SETD5: variants seen among roughly 807,000 people sequenced by gnomAD.
SETD5 encodes the protein SET domain containing 5.
In SETD5, 44 loss-of-function variants were observed where a neutral mutation model predicts 153.3. That is an observed-to-expected ratio of 0.29 (90% CI 0.23 to 0.37). SETD5 has a LOEUF of 0.37. SETD5 is among the 10% of genes least tolerant of loss of function. The probability of loss-of-function intolerance (pLI) is 1.00; values close to 1 mark genes in which losing one functional copy is unlikely to be tolerated. For missense variants in SETD5, 1,544 were observed against 1,768.0 expected (o/e 0.87, Z 2.27); for synonymous variants, 716 against 645.2 (o/e 1.11, Z -1.66).
chr3:9,400,201 T>C (rs1188124626), intron 1 of SETD5, among the ~76,000 whole-genome samples: 2 of 152,260 alleles, frequency 1.3e-5, no homozygotes, highest in African/African-American at 2.4e-5. Flanking sequence ...AACTGGATCA[T>C]GGTTAAAGCC....
intron 7 of SETD5, among the ~76,000 whole-genome samples, chr3:9,436,279 A>C (rs576171161): frequency 6.6e-6 from 1 of 152,104 alleles, no homozygotes; most frequent in East Asian, 1.9e-4. Flanking sequence ...TACATGCCTC[A>C]TGTCTTTGGG....
At chr3:9,435,597 C>T (rs1007353326) in intron 6 of SETD5, 131 bp from the exon 7 acceptor site, 17 of 765,824 alleles carry the variant, frequency 2.2e-5, no homozygotes, top group Admixed American at 1.8e-4. Flanking sequence ...TTTAACGTTG[C>T]TTTACAGATG....
At chr3:9,454,971 A>G (rs923042811) in intron 17 of SETD5, among the ~76,000 whole-genome samples, 12 of 152,156 alleles carry the variant, frequency 7.9e-5, no homozygotes, top group Non-Finnish European at 1.2e-4. Context: ...TCACATTTTC[A>G]TAAAAAACCC....
At chr3:9,455,251 G>C (rs1412104486) in intron 17 of SETD5, among the ~76,000 whole-genome samples, 1 of 137,286 alleles carries the variant, frequency 7.3e-6, no homozygotes, top group South Asian at 2.3e-4. Context: ...GATTACAGGC[G>C]CCCGCCACCT....
rs1461665145 is a variant in SETD5, at chr3:9,476,300, AAAG to A, written c.*213_*215del. ...AAATCTTGTCTGAAGCAGAGACTAT[AAAG>A]AAGTTTCTCCCTGCTGTCAAGGGTA... On this transcript the variant is annotated 3_prime_UTR_variant, in exon 23 of 23. Coordinates refer to ENST00000402198, the MANE Select transcript of SETD5 (RefSeq NM_001080517.3). 1 of 652,176 alleles carries A rather than the reference AAAG, an allele frequency of 1.5e-6. No individual in the cohort carries two copies. The highest frequency in any genetic ancestry group is 1.8e-5 in the African/African-American group (1 of 55,052). 40.4% of individuals were successfully genotyped at this position (652,176 alleles called of 1,614,324 possible).
rs775385723 is a variant in SETD5 at position 9,475,604 on chromosome 3, C to T, written c.3842C>T (p.Pro1281Leu). The T allele has an allele frequency of 1.2e-6, 2 of 1,613,956 alleles. No homozygotes were observed. Among genetic ancestry groups the T allele is most frequent in the South Asian group, 1.1e-5 (1 of 91,080 alleles). The change falls in exon 23 of 23, where the codon CCT (proline) becomes CTT (leucine). Residue 1281 changes from proline (P) to leucine (L), a missense_variant. Pro to Leu is a moderately conservative substitution (Grantham distance 98). This residue lies in a region of SETD5 where 302 missense variants were observed against 277.6 expected (regional missense o/e 1.09). Transcript: ENST00000402198. ...AGTTATCGAACTACTGCACTGAGAC[C>T]TGGAAACCCCCCCTCTCACGGTTCT... Reference protein sequence around the residue: ...GYSYRTTALRPGNPPSHGSSE... With the variant: ...GYSYRTTALRLGNPPSHGSSE...
At chr3:9,471,967 T>A (rs1016920556) in intron 19 of SETD5, among the ~76,000 whole-genome samples, 1 of 152,204 alleles carries the variant, frequency 6.6e-6, no homozygotes, top group African/African-American at 2.4e-5. Flanking sequence ...CAAAACTGTC[T>A]ATATTTTTGT....
Position 9,440,497 on chromosome 3 carries a change from T to G in SETD5, c.609T>G (p.Thr203=), listed in dbSNP as rs201728851. The change falls in exon 8 of 23, where the codon ACT becomes ACG. Residue 203 remains threonine (T), a synonymous_variant. Coordinates refer to ENST00000402198, the MANE Select transcript of SETD5 (RefSeq NM_001080517.3). The part of the protein sequence containing the change: ...SEAQNLDENT[T]EGWENRIRLW... ...CACAGAATTTAGATGAGAATACAACTGAGGGCTGGGAAAATCGGATAAGAC... is the reference window on the plus strand; with the variant it reads ...CACAGAATTTAGATGAGAATACAACGGAGGGCTGGGAAAATCGGATAAGAC... The G allele has an allele frequency of 4.9e-4, 780 of 1,606,468 alleles. 5 individuals carry two copies. Among genetic ancestry groups the G allele is most frequent in the South Asian group, 1.0e-3 (94 of 90,902 alleles).
chr3:9,434,499 C>T lies in SETD5; in HGVS notation c.329+14C>T. 1 of 1,613,724 alleles carries T rather than the reference C, an allele frequency of 6.2e-7. No individual in the cohort carries two copies. The highest frequency in any genetic ancestry group is 8.5e-7 in the Non-Finnish European group (1 of 1,179,762). ...TGACAAGTGCAGGTAAGATCCTGTT[C>T]CATCTAAATTTAAGTCTGGGTTGCT... On this transcript the variant is annotated intron_variant, in intron 5 of 22. Coordinates refer to ENST00000402198, the MANE Select transcript of SETD5 (RefSeq NM_001080517.3). This position sits in a 1 kb window ranked among gnomAD's most constrained non-coding sequence, Gnocchi z 5.6.
chr3:9,407,990 A>G (rs2035981476), intron 1 of SETD5, among the ~76,000 whole-genome samples: 1 of 97,406 alleles, frequency 1.0e-5, no homozygotes, highest in Non-Finnish European at 2.0e-5. Flanking sequence ...ACAAGAGCAA[A>G]ACTATGTCTC....
chr3:9,456,961 T>G (rs2043325333), intron 17 of SETD5, among the ~76,000 whole-genome samples: 1 of 149,246 alleles, frequency 6.7e-6, no homozygotes, highest in African/African-American at 2.5e-5. Flanking sequence ...GGCAATAGAG[T>G]GAGACTCCGT....
intron 1 of SETD5, among the ~76,000 whole-genome samples, chr3:9,412,368 C>G (rs1037208378): frequency 2.2e-5 from 3 of 134,800 alleles, no homozygotes; most frequent in Admixed American, 7.9e-5. Context: ...AAGGAGCAAA[C>G]TACAGTGCAC....
chr3:9,477,107 A>T lies in SETD5; in HGVS notation c.*1016A>T, dbSNP rs754217220. 6.6e-6 allele frequency: 1 copy of T among 152,662 alleles called. No individual in the cohort carries two copies. The highest frequency in any genetic ancestry group is 1.5e-5 in the Non-Finnish European group (1 of 68,068). 9.5% of individuals were successfully genotyped at this position (152,662 alleles called of 1,614,324 possible). A position where few individuals can be genotyped will look rare whatever the true frequency, so the allele number is the denominator to read the frequency against. On this transcript the variant is annotated 3_prime_UTR_variant, in exon 23 of 23. Coordinates refer to ENST00000402198, the MANE Select transcript of SETD5 (RefSeq NM_001080517.3). ...AAGATAGGTTTGTGGAGTGGCACCG[A>T]CAGGACTGTGATTGTGTGTGGGCCT...
At chr3:9,431,752 T>A in intron 3 of SETD5, 1 of 980,924 alleles carries the variant, frequency 1.0e-6, no homozygotes, top group Non-Finnish European at 1.2e-6. Flanking sequence ...CGTTTGGAGA[T>A]GGGTAAGATA....
intron 2 of SETD5, among the ~76,000 whole-genome samples, chr3:9,427,751 C>G (rs1324571626): frequency 6.6e-6 from 1 of 151,878 alleles, no homozygotes; most frequent in African/African-American, 2.4e-5. Context: ...TGACTTTATT[C>G]CCCCCCAAAT....
At position 9,448,520 on chromosome 3, in the gene SETD5, C is replaced by T; in HGVS notation, c.2236C>T (p.Pro746Ser). The T allele has an allele frequency of 6.2e-7, 1 of 1,613,934 alleles. No homozygotes were observed. Among genetic ancestry groups the T allele is most frequent in the Non-Finnish European group, 8.5e-7 (1 of 1,179,864 alleles). The change falls in exon 16 of 23, where the codon CCG (proline) becomes TCG (serine). Residue 746 changes from proline (P) to serine (S), a missense_variant. Around this residue, in one of 9 missense-constraint regions of SETD5, gnomAD observed 782 missense variants for 787.2 expected, o/e 0.99. Transcript: ENST00000402198. Reference protein sequence around the residue: ...LNMLPGLIHSPLICTTPKHYI... With the variant: ...LNMLPGLIHSSLICTTPKHYI... ...CATGTTACCAGGTCTTATCCATTCC[C>T]CGTTAATTTGCACCACCCCCAAACA...
chr3:9,420,933 C>T (rs1267955758), intron 1 of SETD5, among the ~76,000 whole-genome samples: 3 of 152,030 alleles, frequency 2.0e-5, no homozygotes, highest in East Asian at 3.9e-4. Flanking sequence ...AGTGTTTAGC[C>T]ATATTCAGGT....
rs2039916569 is a variant in SETD5, at chr3:9,431,150, A to G, written c.71+2141A>G. ...TTAAATCTGATGGCAACTATATGCA[A>G]TACGCATTTATTTTTGTGTGTGTTT... is the stretch of plus-strand genomic sequence containing the variant. On this transcript the variant is annotated intron_variant, in intron 3 of 22. Coordinates refer to ENST00000402198, the MANE Select transcript of SETD5 (RefSeq NM_001080517.3). 5 of 985,456 alleles carry G rather than the reference A, an allele frequency of 5.1e-6. No homozygotes were observed. The South Asian group carries it at 1.9e-4, about 37-fold the overall frequency. The allele number at this position is 985,456 out of a possible 1,614,324, so 61.0% of individuals were successfully genotyped here. A position where few individuals can be genotyped will look rare whatever the true frequency, so the allele number is the denominator to read the frequency against.
At chr3:9,472,794 C>G (rs2045455705) in intron 19 of SETD5, among the ~76,000 whole-genome samples, 1 of 152,170 alleles carries the variant, frequency 6.6e-6, no homozygotes, top group East Asian at 1.9e-4. Context: ...TCTAGGGGTT[C>G]CCAAGGAGTA....
Sources: gnomAD v4.1 joint callset for allele counts (sites outside exome capture counted in the v4.1 genomes callset) on GRCh38, gnomAD v4.1.1 for gene constraint, gnomAD v4.1.1 regional missense constraint, Gnocchi (gnomAD v3.1) non-coding constraint, MANE v1.5 for transcripts, NCBI Gene and HGNC (gene_info 2026-07-23, HGNC 2026-07-21) for gene names.